Variants in NCKAP5 observed in about 807,000 individuals in gnomAD.
NCKAP5 encodes NCK associated protein 5, also known as nck-associated protein 5.
Under a neutral mutation model 167.0 loss-of-function variants are expected in NCKAP5, and 92 were observed. The ratio of observed to expected loss-of-function variants is 0.55; its 90% CI spans 0.47 to 0.66. The LOEUF is 0.66. NCKAP5 is among the 30% of genes least tolerant of loss of function. The pLI is 0.00. For missense variants in NCKAP5, 2,378 were observed against 2,315.0 expected, an observed-to-expected ratio of 1.03 and a Z score of -0.56; for synonymous variants, 891 against 877.4, an observed-to-expected ratio of 1.02 and a Z score of -0.27.
Position 132,878,922 on chromosome 2 carries a change from G to T in NCKAP5, c.580-6C>A. 6.2e-7 allele frequency: 1 copy of T among 1,609,020 alleles called. No individual in the cohort carries two copies. Among genetic ancestry groups the T allele is most frequent in the Non-Finnish European group, 8.5e-7 (1 of 1,175,382 alleles). On this transcript the variant is annotated splice_region_variant and splice_polypyrimidine_tract_variant and intron_variant, in intron 8 of 19. Transcript: ENST00000409261. ...GCCAACGCTGAATTCTCTGCCTGCA[G>T]TAAGATACAAAAATAACACAAATAA...
chr2:133,311,934 C>G (rs533907996), intron 3 of NCKAP5, among the ~76,000 whole-genome samples: 1 of 152,124 alleles, frequency 6.6e-6, no homozygotes. Context: ...AATGACATTC[C>G]AAACTATTGA....
chr2:133,120,602 AC>A (rs952746756), intron 6 of NCKAP5, among the ~76,000 whole-genome samples: 7 of 152,222 alleles, frequency 4.6e-5, no homozygotes, highest in African/African-American at 1.4e-4. Flanking sequence ...TGGGAAGTAA[AC>A]CTTCAGTTCA....
chr2:132,902,760 T>C (rs897851921), intron 8 of NCKAP5, among the ~76,000 whole-genome samples: 3 of 152,228 alleles, frequency 2.0e-5, no homozygotes, highest in Non-Finnish European at 2.9e-5. Context: ...GAATTCATCA[T>C]GTGAAGGGGA....
At chr2:133,226,604 A>AACAC (rs3051222) in intron 4 of NCKAP5, among the ~76,000 whole-genome samples, 16,694 of 139,108 alleles carry the variant, frequency 0.12, 1,102 homozygotes, top group South Asian at 0.15. Context: ...TTTGAAGATA[A>AACAC]ACACACACAC....
At chr2:133,271,034 C>G (rs1280454717) in intron 4 of NCKAP5, among the ~76,000 whole-genome samples, 1 of 151,152 alleles carries the variant, frequency 6.6e-6, no homozygotes, top group Non-Finnish European at 1.5e-5. Flanking sequence ...ATTCTCCTGC[C>G]TCAGCCTCCC....
intron 5 of NCKAP5, among the ~76,000 whole-genome samples, chr2:133,185,825 A>G (rs2084923305): frequency 1.3e-5 from 2 of 152,044 alleles, no homozygotes; most frequent in Non-Finnish European, 2.9e-5. Context: ...CTGAAACTCT[A>G]TTGATGTAAT....
chr2:132,898,827 ACC>A (rs1693404818), intron 8 of NCKAP5, among the ~76,000 whole-genome samples: 1 of 152,198 alleles, frequency 6.6e-6, no homozygotes, highest in Non-Finnish European at 1.5e-5. Flanking sequence ...ATATGTTGTC[ACC>A]CAGACTTGGT....
chr2:132,889,977 C>T lies in NCKAP5; in HGVS notation c.580-11061G>A, dbSNP rs181888904. On this transcript the variant is annotated intron_variant, in intron 8 of 19. Coordinates refer to ENST00000409261, the MANE Select transcript of NCKAP5 (RefSeq NM_207363.3). ...AAAAAGAGAGAGAAAGAGAAGAAAA[C>T]GACCAATTCACAGTAGTTAAAAAAG... Among the ~76,000 whole-genome samples the T allele has an allele frequency of 5.1e-3, 783 of 152,218 alleles. 2 individuals are homozygous for T. The highest frequency in any genetic ancestry group is 0.012 in the South Asian group (57 of 4,826).
intron 3 of NCKAP5, among the ~76,000 whole-genome samples, chr2:133,401,245 T>C (rs371483217): frequency 9.8e-5 from 15 of 152,336 alleles, no homozygotes; most frequent in South Asian, 4.1e-4. Context: ...GGAGAGAGCA[T>C]AGAAACTCCA....
the NCKAP5 span, among the ~76,000 whole-genome samples, chr2:133,660,492 T>C: frequency 1.3e-5 from 2 of 152,232 alleles, no homozygotes; most frequent in Non-Finnish European, 2.9e-5. Context: ...TGGGATTGCA[T>C]GCAATTTTTT....
rs182028794 is a variant in NCKAP5 at position 133,303,146 on chromosome 2, A to G, written c.70-36T>C. ...AGACAAAGACAGATGAAAACTCACTATGACAGTCCCCACCATCCTAAGACC... is the reference window on the plus strand; with the variant it reads ...AGACAAAGACAGATGAAAACTCACTGTGACAGTCCCCACCATCCTAAGACC... On this transcript the variant is annotated intron_variant, in intron 3 of 19. Transcript: ENST00000409261. The G allele has an allele frequency of 3.7e-4, 533 of 1,453,774 alleles. No homozygotes were observed. In the Middle Eastern group the frequency reaches 6.9e-3, roughly 19 times the overall value. 90.1% of individuals were successfully genotyped at this position (1,453,774 alleles called of 1,614,324 possible).
intron 3 of NCKAP5, among the ~76,000 whole-genome samples, chr2:133,333,405 C>A (rs575862087): frequency 1.3e-5 from 2 of 152,222 alleles, no homozygotes; most frequent in South Asian, 4.2e-4. Flanking sequence ...TGGCTTGGGG[C>A]CTTTAATGCA....
intron 19 of NCKAP5, among the ~76,000 whole-genome samples, chr2:132,725,393 G>A (rs1428962507): frequency 2.0e-5 from 3 of 152,142 alleles, no homozygotes; most frequent in Non-Finnish European, 4.4e-5. Flanking sequence ...TAGACATGCT[G>A]GATTCAGAAA....
chr2:133,380,615 G>A (rs943554213), intron 3 of NCKAP5, among the ~76,000 whole-genome samples: 3 of 152,172 alleles, frequency 2.0e-5, no homozygotes, highest in Non-Finnish European at 4.4e-5. Flanking sequence ...CAGCTCTAAT[G>A]TATCCATCTC....
rs78771041 is a variant in NCKAP5, at chr2:133,194,836, G to A, written c.207+18880C>T. 4.2e-4 allele frequency among the ~76,000 whole-genome samples: 63 copies of A among 150,640 alleles called. No homozygotes were observed. In the East Asian group the frequency reaches 0.011, roughly 27 times the overall value. ...ATTATTATGCTAGATAAAAGAGCTC[G>A]TGGAAGTATAGACAGATACTAGATA... On this transcript the variant is annotated intron_variant, in intron 5 of 19. Transcript: ENST00000409261.
In NCKAP5 at chr2:133,097,906, G is replaced by T. The variant is rs540901776; in HGVS notation, c.341+32072C>A. Among the ~76,000 whole-genome samples the T allele has an allele frequency of 3.3e-5, 5 of 152,310 alleles. No homozygotes were observed. The East Asian group carries it at 9.7e-4, about 29-fold the overall frequency. On this transcript the variant is annotated intron_variant, in intron 6 of 19. Coordinates refer to ENST00000409261, the MANE Select transcript of NCKAP5 (RefSeq NM_207363.3). ...ATACGTGCATTTTCTACATCTGGGT[G>T]AGTCCTGTTACCCAGGAAGGCTGCT...
intron 6 of NCKAP5, among the ~76,000 whole-genome samples, chr2:133,017,074 A>G (rs2078364540): frequency 3.3e-5 from 5 of 152,236 alleles, no homozygotes; most frequent in Admixed American, 3.3e-4. Context: ...TTTTATTTAT[A>G]TGATCATTTC....
chr2:133,311,274 C>T (rs766412809), intron 3 of NCKAP5, among the ~76,000 whole-genome samples: 1 of 152,190 alleles, frequency 6.6e-6, no homozygotes, highest in African/African-American at 2.4e-5. Flanking sequence ...AAGCATTTTA[C>T]TTAGGTTTAC....
At chr2:133,192,330 T>C (rs1485504571) in intron 5 of NCKAP5, among the ~76,000 whole-genome samples, 2 of 152,166 alleles carry the variant, frequency 1.3e-5, no homozygotes, top group African/African-American at 2.4e-5. Context: ...TAGGAGAAAA[T>C]TGTTGAGAAC....
Sources: gnomAD v4.1 joint callset for allele counts (sites outside exome capture counted in the v4.1 genomes callset) on GRCh38, gnomAD v4.1.1 for gene constraint, MANE v1.5 for transcripts, NCBI Gene and HGNC (gene_info 2026-07-23, HGNC 2026-07-21) for gene names.